Variants in CCDC40 observed in about 807,000 individuals in gnomAD.
The protein encoded by CCDC40 is coiled-coil domain 40 molecular ruler complex subunit.
CCDC40 carries 104 observed loss-of-function variants against 124.5 expected under a neutral mutation model. The observed-to-expected ratio is 0.84, with a 90% CI of 0.71 to 0.98. The LOEUF (loss-of-function observed/expected upper bound fraction) is 0.98, where lower values mean the gene tolerates loss of function less well. CCDC40 is among the 50% of genes least tolerant of loss of function. The probability of loss-of-function intolerance (pLI) is 0.00; values close to 1 mark genes in which losing one functional copy is unlikely to be tolerated. For missense variants in CCDC40, 1,463 were observed against 1,503.9 expected (o/e 0.97, Z 0.45); for synonymous variants, 580 against 602.9 (o/e 0.96, Z 0.56).
Position 80,078,137 on chromosome 17 carries a change from C to T in CCDC40, c.1563-3409C>T, listed in dbSNP as rs562706436. Among the ~76,000 whole-genome samples the T allele has an allele frequency of 3.9e-5, 6 of 152,082 alleles. 1 individual carries two copies. The East Asian group carries it at 9.7e-4, about 24-fold the overall frequency. ...ACGAGGTCAGGAGATTGAGACCATC[C>T]TGGCTAACACGGTGAAACCCCATCT... On this transcript the variant is annotated intron_variant, in intron 10 of 19. Transcript: ENST00000397545.
intron 7 of CCDC40, among the ~76,000 whole-genome samples, chr17:80,056,016 A>ATATATATATATATTTTTTTTTTTT: frequency 4.9e-4 from 5 of 10,246 alleles, no homozygotes; most frequent in Non-Finnish European, 6.4e-4. Context: ...ATATATATAT[A>ATATATATATATATTTTTTTTTTTT]TTTTTTTTTT....
intron 2 of CCDC40, among the ~76,000 whole-genome samples, chr17:80,039,588 T>A (rs1021030366): frequency 2.0e-5 from 3 of 151,952 alleles, no homozygotes; most frequent in South Asian, 4.2e-4. Context: ...ATTTTTGTAT[T>A]TTTAGTAGAG....
intron 7 of CCDC40, among the ~76,000 whole-genome samples, chr17:80,055,751 T>C (rs1450574793): frequency 1.3e-5 from 2 of 151,732 alleles, no homozygotes; most frequent in African/African-American, 4.8e-5. Context: ...TTTTCGTCTC[T>C]TTTCCCCTTC....
Position 80,099,591 on chromosome 17 carries a change from G to C in CCDC40, c.3245G>C (p.Arg1082Pro). 1 of 1,613,506 alleles carries C rather than the reference G, an allele frequency of 6.2e-7. No individual in the cohort carries two copies. Among genetic ancestry groups the C allele is most frequent in the Non-Finnish European group, 8.5e-7 (1 of 1,179,982 alleles). Residue 1082 changes from arginine (R) to proline (P), a missense_variant, in exon 20 of 20, where the codon CGC becomes CCC. Arg to Pro is a moderately radical substitution (Grantham distance 103). Coordinates refer to ENST00000397545, the MANE Select transcript of CCDC40 (RefSeq NM_017950.4). ...LKHLQAVKEG[R>P]YVFLFRSKQS... is the part of the protein sequence containing the mutation. ...CACCTGCAGGCTGTGAAGGAGGGGC[G>C]CTACGTGTTCCTGTTCCGCTCCAAG...
intron 3 of CCDC40, among the ~76,000 whole-genome samples, chr17:80,044,189 C>T (rs569890600): frequency 4.6e-5 from 7 of 152,246 alleles, no homozygotes; most frequent in Middle Eastern, 3.4e-3. Context: ...TTGCGGCAAA[C>T]GGTAGCTCTT....
Position 80,058,597 on chromosome 17 carries a change from G to A in CCDC40, c.1263G>A (p.Val421=). 2 of 1,614,222 alleles carry A rather than the reference G, an allele frequency of 1.2e-6. No individual in the cohort carries two copies. The highest frequency in any genetic ancestry group is 1.7e-5 in the Admixed American group (1 of 60,028). The part of the protein sequence containing the change: ...MRDDIRVMTQ[V]VKKAETERIR... ...ACGACATCCGCGTGATGACACAAGT[G>A]GTAAAGAAGGCCGAGACGGAGAGGA... The change falls in exon 8 of 20, where the codon GTG becomes GTA. Residue 421 remains valine (V), a synonymous_variant. Coordinates refer to ENST00000397545, the MANE Select transcript of CCDC40 (RefSeq NM_017950.4). This position sits in a 1 kb window ranked among gnomAD's most constrained non-coding sequence, Gnocchi z 4.2.
At chr17:80,089,116 C>G (rs1183416151) in intron 16 of CCDC40, among the ~76,000 whole-genome samples, 1 of 152,182 alleles carries the variant, frequency 6.6e-6, no homozygotes, top group South Asian at 2.1e-4. Context: ...AGCTATATTC[C>G]TTTCTTGTTT....
At chr17:80,069,764 A>T (rs12602234) in intron 10 of CCDC40, among the ~76,000 whole-genome samples, 2 of 150,184 alleles carry the variant, frequency 1.3e-5, no homozygotes, top group East Asian at 3.9e-4. Flanking sequence ...AAAATAAGAA[A>T]GAAAAAGAAA....
chr17:80,089,544 C>G, intron 16 of CCDC40: 1 of 465,796 alleles, frequency 2.1e-6, no homozygotes, highest in Non-Finnish European at 4.0e-6. Flanking sequence ...CTTCCCCACC[C>G]CCATCTCCCT....
chr17:80,050,785 T>C (rs544786470), intron 7 of CCDC40, among the ~76,000 whole-genome samples: 1 of 152,296 alleles, frequency 6.6e-6, no homozygotes, highest in South Asian at 2.1e-4. Flanking sequence ...AAGCAGCAAA[T>C]GCTGAAGCTG....
chr17:80,092,031 T>C (rs2038733040), intron 17 of CCDC40: 1 of 152,024 alleles, frequency 6.6e-6, no homozygotes, highest in Non-Finnish European at 1.5e-5. Context: ...TTTTGTTTTG[T>C]CTGTTTGTTT....
In CCDC40 at chr17:80,095,389, A is replaced by C. The variant is rs1454217783; in HGVS notation, c.2959A>C (p.Thr987Pro). The C allele has an allele frequency of 1.2e-6, 2 of 1,614,082 alleles. No homozygotes were observed. ...GQRKMDRKAL[T>P]RTDFHHKQLE... ...GCGCAAGATGGACAGGAAGGCGCTC[A>C]CCCGCACCGACTTCCACCACAAGCA... The change falls in exon 18 of 20, where the codon ACC becomes CCC. Residue 987 changes from threonine (T) to proline (P), a missense_variant. Transcript: ENST00000397545.
intron 10 of CCDC40, among the ~76,000 whole-genome samples, chr17:80,071,759 G>T (rs1362313230): frequency 6.6e-6 from 1 of 150,670 alleles, no homozygotes; most frequent in East Asian, 1.9e-4. Context: ...TCCTGAGCAC[G>T]TTTGAGGGAG....
intron 10 of CCDC40, among the ~76,000 whole-genome samples, chr17:80,076,572 C>G (rs1032481357): frequency 9.4e-6 from 1 of 106,102 alleles, no homozygotes; most frequent in Non-Finnish European, 2.0e-5. Context: ...GAGTCAGAGC[C>G]TGTCTCAAAA....
Position 80,084,978 on chromosome 17 carries a change from C to T in CCDC40, c.2225C>T (p.Ser742Phe). 7 of 1,613,666 alleles carry T rather than the reference C, an allele frequency of 4.3e-6. No individual in the cohort carries two copies. The highest frequency in any genetic ancestry group is 5.9e-6 in the Non-Finnish European group (7 of 1,180,006). The change falls in exon 13 of 20, where the codon TCC becomes TTC. Residue 742 changes from serine (S) to phenylalanine (F), a missense_variant. Transcript: ENST00000397545. The stretch of plus-strand genomic sequence containing the variant: ...AACAAGCAGCTGGAGCGGATGGTCT[C>T]CGAGCTGGGGGTGAGGTCCCAGGCA... ...FLNKQLERMV[S>F]ELGGEEVGPL...
chr17:80,095,365 C>T lies in CCDC40; in HGVS notation c.2935C>T (p.Arg979Cys), dbSNP rs774907489. The T allele has an allele frequency of 6.8e-6, 11 of 1,613,988 alleles. No individual in the cohort carries two copies. The highest frequency in any genetic ancestry group is 6.6e-5 in the South Asian group (6 of 91,096). ...CGTCACCACCCAGGCCGAGGGGCAG[C>T]GCAAGATGGACAGGAAGGCGCTCAC... ...ETVTTQAEGQ[R>C]KMDRKALTRT... The change falls in exon 18 of 20, where the codon CGC becomes TGC. Residue 979 changes from arginine (R) to cysteine (C), a missense_variant. Arg to Cys is a radical substitution (Grantham distance 180, BLOSUM62 -3). Coordinates refer to ENST00000397545, the MANE Select transcript of CCDC40 (RefSeq NM_017950.4).
Position 80,036,704 on chromosome 17 carries a change from G to C in CCDC40, c.29+13G>C. The C allele has an allele frequency of 6.8e-7, 1 of 1,463,260 alleles. No homozygotes were observed. Among genetic ancestry groups the C allele is most frequent in the Non-Finnish European group, 9.0e-7 (1 of 1,108,552 alleles). The allele number at this position is 1,463,260 out of a possible 1,614,324, so 90.6% of individuals were successfully genotyped here. On this transcript the variant is annotated intron_variant, in intron 1 of 19. Transcript: ENST00000397545. ...GCGCGGCGGGCCGGTAAGCCGGGCC[G>C]AGGGGCAGCGGGTCTTGGAGTCGCC... is the stretch of plus-strand genomic sequence containing the variant.
intron 10 of CCDC40, among the ~76,000 whole-genome samples, chr17:80,073,351 C>G (rs1416933587): frequency 6.6e-6 from 1 of 152,194 alleles, no homozygotes; most frequent in African/African-American, 2.4e-5. Flanking sequence ...CACCATCTCT[C>G]CAGCGGTGCG....
chr17:80,076,311 C>T (rs2038309806), intron 10 of CCDC40, among the ~76,000 whole-genome samples: 2 of 152,190 alleles, frequency 1.3e-5, no homozygotes, highest in South Asian at 4.1e-4. Flanking sequence ...GGGTGACTCA[C>T]ACCTGTAATC....
Sources: allele counts gnomAD v4.1 joint callset (sites outside exome capture counted in the v4.1 genomes callset), GRCh38; gene constraint gnomAD v4.1.1; non-coding constraint Gnocchi (gnomAD v3.1); transcripts MANE v1.5; gene names NCBI Gene and HGNC (gene_info 2026-07-23, HGNC 2026-07-21).